Variants in PLD5 observed in about 807,000 individuals in gnomAD.
PLD5 encodes the protein phospholipase D family member 5, also known as inactive phospholipase D5.
In PLD5, 36 loss-of-function variants were observed where a neutral mutation model predicts 61.1. The observed-to-expected ratio is 0.59, with a 90% CI of 0.45 to 0.78. PLD5 has a LOEUF of 0.78. PLD5 is among the 30% of genes least tolerant of loss of function. The pLI is 0.00. For synonymous variants in PLD5, 243 were observed against 242.8 expected (o/e 1.00, Z -0.01); for missense variants, 515 against 644.4 (o/e 0.80, Z 2.17).
intron 4 of PLD5, among the ~76,000 whole-genome samples, chr1:242,228,780 T>C (rs1181534954): frequency 6.6e-6 from 1 of 151,968 alleles, no homozygotes; most frequent in African/African-American, 2.4e-5. Flanking sequence ...AAAAAGACAC[T>C]GTCCTCGTCC....
rs143689820 is a variant in PLD5, at chr1:242,195,107, T to C, written c.735+24881A>G. Among the ~76,000 whole-genome samples the C allele has an allele frequency of 3.7e-3, 569 of 152,102 alleles. 4 individuals are homozygous for C. The highest frequency in any genetic ancestry group is 0.02 in the South Asian group (94 of 4,808). On this transcript the variant is annotated intron_variant, in intron 5 of 9. Transcript: ENST00000536534. Reference sequence around the variant, plus strand: ...AGAACTTGGATCAACAATGGAAGGGTTGGAGGCAGATTTGGGATCAATGTT... The same window carrying C: ...AGAACTTGGATCAACAATGGAAGGGCTGGAGGCAGATTTGGGATCAATGTT...
At chr1:242,241,697 G>A (rs1267071113) in intron 4 of PLD5, among the ~76,000 whole-genome samples, 1 of 151,608 alleles carries the variant, frequency 6.6e-6, no homozygotes, top group East Asian at 1.9e-4. Flanking sequence ...TGCGCAGGTT[G>A]GTGAGGTACA....
intron 1 of PLD5, among the ~76,000 whole-genome samples, chr1:242,501,660 T>C (rs1415183826): frequency 3.9e-5 from 6 of 152,126 alleles, no homozygotes; most frequent in Admixed American, 2.0e-4. Flanking sequence ...GAATAAAGCA[T>C]GGAAAAATCC....
Position 242,089,587 on chromosome 1 carries a change from A to ATTT in PLD5, c.*266_*267insAAA. ...AAAACTAGAAAGGAGCAGGAATGAA[A>ATTT]GTCTTAAAATTTGTATGCAAACGTA... On this transcript the variant is annotated 3_prime_UTR_variant, in exon 10 of 10. Transcript: ENST00000536534. 1.8e-6 allele frequency: 1 copy of ATTT among 544,678 alleles called. No individual in the cohort carries two copies. Among genetic ancestry groups the ATTT allele is most frequent in the Non-Finnish European group, 3.2e-6 (1 of 313,936 alleles). The allele number at this position is 544,678 out of a possible 1,614,324, so 33.7% of individuals were successfully genotyped here.
chr1:242,297,308 C>T (rs1232428514), intron 2 of PLD5, among the ~76,000 whole-genome samples: 1 of 145,934 alleles, frequency 6.9e-6, no homozygotes, highest in Non-Finnish European at 1.5e-5. Flanking sequence ...CGTGACACTG[C>T]ACTCCAGCCC....
At chr1:242,237,927 A>G (rs368411) in intron 4 of PLD5, among the ~76,000 whole-genome samples, 3 of 152,194 alleles carry the variant, frequency 2.0e-5, no homozygotes, top group African/African-American at 7.2e-5. Context: ...CCAACTTTGG[A>G]ATCCAGAGGG....
intron 1 of PLD5, among the ~76,000 whole-genome samples, chr1:242,467,234 T>G (rs924491136): frequency 6.6e-6 from 1 of 152,070 alleles, no homozygotes; most frequent in Admixed American, 6.5e-5. Flanking sequence ...ATAATAAAAT[T>G]TAATAAATAA....
intron 1 of PLD5, among the ~76,000 whole-genome samples, chr1:242,357,461 T>G (rs539662711): frequency 6.6e-6 from 1 of 151,722 alleles, no homozygotes; most frequent in South Asian, 2.1e-4. Context: ...TAGCTGTTGG[T>G]TTCTTTCCTC....
intron 5 of PLD5, among the ~76,000 whole-genome samples, chr1:242,217,184 T>C (rs1425797973): frequency 3.9e-5 from 6 of 152,244 alleles, no homozygotes; most frequent in Non-Finnish European, 7.3e-5. Context: ...ACATTCATTC[T>C]GCAGCCCAGG....
At chr1:242,177,470 C>T (rs552022497) in intron 5 of PLD5, among the ~76,000 whole-genome samples, 9 of 151,952 alleles carry the variant, frequency 5.9e-5, no homozygotes, top group African/African-American at 1.2e-4. Flanking sequence ...ATGTAGGTGA[C>T]GGGTTGATGG....
At chr1:242,483,513 C>T (rs1264051333) in intron 1 of PLD5, among the ~76,000 whole-genome samples, 3 of 152,204 alleles carry the variant, frequency 2.0e-5, no homozygotes, top group Admixed American at 6.5e-5. Context: ...AGCTAACTAT[C>T]CTAAATATAT....
intron 5 of PLD5, among the ~76,000 whole-genome samples, chr1:242,193,394 G>A (rs1025448796): frequency 7.9e-5 from 12 of 152,192 alleles, no homozygotes; most frequent in African/African-American, 2.7e-4. Context: ...GGAGTGGTGA[G>A]AGAAAAGGTG....
At chr1:242,522,448 C>A (rs77344594) in intron 1 of PLD5, among the ~76,000 whole-genome samples, 1 of 152,162 alleles carries the variant, frequency 6.6e-6, no homozygotes, top group South Asian at 2.1e-4. Flanking sequence ...AAGTATAATG[C>A]GTGCACCGCT....
At chr1:242,290,315 A>T (rs1277119220) in intron 2 of PLD5, among the ~76,000 whole-genome samples, 1 of 145,872 alleles carries the variant, frequency 6.9e-6, no homozygotes, top group Non-Finnish European at 1.5e-5. Context: ...AAAGATGAAA[A>T]TTTTTTATGA....
intron 4 of PLD5, among the ~76,000 whole-genome samples, chr1:242,228,799 G>T (rs1352040317): frequency 6.6e-6 from 1 of 152,088 alleles, no homozygotes; most frequent in Non-Finnish European, 1.5e-5. Flanking sequence ...CCTCGCAACA[G>T]AGAGAAATGA....
At chr1:242,149,967 T>C (rs774991850) in intron 5 of PLD5, among the ~76,000 whole-genome samples, 2 of 151,846 alleles carry the variant, frequency 1.3e-5, no homozygotes, top group Non-Finnish European at 2.9e-5. Context: ...AACATAAGCA[T>C]CTTGTGTTAT....
upstream of PLD5, among the ~76,000 whole-genome samples, chr1:242,527,419 A>G (rs1453296381): frequency 6.6e-6 from 1 of 152,152 alleles, no homozygotes; most frequent in African/African-American, 2.4e-5. Flanking sequence ...TACAGGCGTG[A>G]GCCACCGCGC....
chr1:242,456,790 G>A (rs759842913), intron 1 of PLD5, among the ~76,000 whole-genome samples: 3 of 152,244 alleles, frequency 2.0e-5, no homozygotes, highest in Non-Finnish European at 2.9e-5. Flanking sequence ...GCATTTCCAC[G>A]CTGGAACACA....
At chr1:242,300,455 AAAGAAAGAAAGAAAG>A in intron 2 of PLD5, among the ~76,000 whole-genome samples, 1 of 724 alleles carries the variant, frequency 1.4e-3, no homozygotes, top group Non-Finnish European at 7.7e-3. Context: ...GAGGAAGAAG[AAAGAAAGAAAGAAAG>A]AAAGAAAGAA....
Sources: allele counts gnomAD v4.1 joint callset (sites outside exome capture counted in the v4.1 genomes callset), GRCh38; gene constraint gnomAD v4.1.1; transcripts MANE v1.5; gene names NCBI Gene and HGNC (gene_info 2026-07-23, HGNC 2026-07-21).